The following CEACAM1 variants were observed in gnomAD, a reference collection of about 807,000 sequenced individuals.
The protein encoded by CEACAM1 is cell adhesion molecule CEACAM1.
CEACAM1 carries 31 observed loss-of-function variants against 49.1 expected under a neutral mutation model. The ratio of observed to expected loss-of-function variants is 0.63; its 90% CI spans 0.47 to 0.85. CEACAM1 has a LOEUF of 0.85. Ranked by LOEUF, CEACAM1 falls within the 40% of genes least tolerant of loss-of-function variation. The probability of loss-of-function intolerance (pLI) is 0.00; values close to 1 mark genes in which losing one functional copy is unlikely to be tolerated. For synonymous variants in CEACAM1, 244 were observed against 247.8 expected (o/e 0.98, Z 0.14); for missense variants, 570 against 645.3 (o/e 0.88, Z 1.26).
At chr19:42,518,690 C>T (rs979198452) in intron 5 of CEACAM1, 18 of 415,290 alleles carry the variant, frequency 4.3e-5, no homozygotes, top group African/African-American at 1.5e-4. Flanking sequence ...TTAGTAGACA[C>T]GGGGTTTCAC....
In CEACAM1 at chr19:42,507,922, A is replaced by C. The variant is rs2041371332; in HGVS notation, c.*1187T>G. The C allele has an allele frequency of 6.6e-6, 1 of 152,360 alleles. No homozygotes were observed. Among genetic ancestry groups the C allele is most frequent in the South Asian group, 2.1e-4 (1 of 4,824 alleles). The allele number at this position is 152,360 out of a possible 1,614,324, so 9.4% of individuals were successfully genotyped here. A position where few individuals can be genotyped will look rare whatever the true frequency, so the allele number is the denominator to read the frequency against. The stretch of plus-strand genomic sequence containing the variant: ...AGAAAATGCACAGGTGCAAACATGG[A>C]ATAGAATGGTAGTTGATGATTGGTC... On this transcript the variant is annotated 3_prime_UTR_variant, in exon 9 of 9. Transcript: ENST00000161559.
intron 2 of CEACAM1, among the ~76,000 whole-genome samples, chr19:42,525,065 G>A (rs1038151142): frequency 7.9e-5 from 12 of 152,078 alleles, no homozygotes; most frequent in African/African-American, 2.9e-4. Context: ...TACTGAGTGT[G>A]TGTTTCATAT....
rs765778184 is a variant in CEACAM1 at position 42,527,158 on chromosome 19, G to T, written c.307C>A (p.Pro103Thr). The T allele has an allele frequency of 1.2e-6, 2 of 1,614,152 alleles. No homozygotes were observed. Among genetic ancestry groups the T allele is most frequent in the Non-Finnish European group, 1.7e-6 (2 of 1,180,018 alleles). ...PANSGRETIY[P>T]NASLLIQNVT... ...TTCTGGATCAGCAGGGATGCATTGG[G>T]GTATATTGTCTCTCGACCGCTGTTT... The change falls in exon 2 of 9, where the codon CCC becomes ACC. Residue 103 changes from proline to threonine, a missense_variant. Physicochemically the swap from Pro to Thr is conservative, Grantham distance 38. Transcript: ENST00000161559.
chr19:42,513,705 C>G (rs1481274021), intron 5 of CEACAM1, among the ~76,000 whole-genome samples: 3 of 149,472 alleles, frequency 2.0e-5, no homozygotes, highest in Non-Finnish European at 1.5e-5. Context: ...TCACTCTCGC[C>G]TTACTTTCCC....
intron 1 of CEACAM1, 81 bp from the exon 2 acceptor site, chr19:42,527,481 G>T (rs137965022): frequency 1.3e-6 from 2 of 1,513,318 alleles, no homozygotes; most frequent in East Asian, 2.3e-5. Context: ...TCCTGAGCAG[G>T]TGTCTTCACC....
In CEACAM1 at chr19:42,509,162, A is replaced by G. The variant is rs1600207138; in HGVS notation, c.1528T>C (p.Ser510Pro). Reference sequence around the variant, plus strand: ...ATTTCTGTGGCTGTTAGGGATGGGGAGGCTGAAGTTGGTTGTGTGGGTTGC... The same window carrying G: ...ATTTCTGTGGCTGTTAGGGATGGGGGGGCTGAAGTTGGTTGTGTGGGTTGC... Reference protein sequence around the residue: ...AQQPTQPTSASPSLTATEIIY... With the variant: ...AQQPTQPTSAPPSLTATEIIY... Residue 510 changes from serine (S) to proline (P), a missense_variant, in exon 9 of 9, where the codon TCC (serine) becomes CCC (proline). By Grantham distance (74) the Ser-to-Pro change is moderately conservative. Coordinates refer to ENST00000161559, the MANE Select transcript of CEACAM1 (RefSeq NM_001712.5). 1.2e-6 allele frequency: 2 copies of G among 1,614,096 alleles called. No homozygotes were observed. Among genetic ancestry groups the G allele is most frequent in the African/African-American group, 1.3e-5 (1 of 75,008 alleles).
chr19:42,511,005 A>G, intron 7 of CEACAM1, 85 bp from the exon 8 acceptor site: 1 of 1,275,918 alleles, frequency 7.8e-7, no homozygotes, highest in Non-Finnish European at 1.1e-6. Context: ...TGGCAGTTGG[A>G]GGGTGGGGAG....
intron 5 of CEACAM1, chr19:42,514,885 A>G: frequency 3.8e-6 from 2 of 522,806 alleles, no homozygotes; most frequent in Non-Finnish European, 6.8e-6. Context: ...GGCTAATGAT[A>G]ATAGTAGTAG....
At chr19:42,511,550 T>C (rs770817479) in intron 7 of CEACAM1, 26 bp downstream of exon 7, 1 of 1,594,546 alleles carries the variant, frequency 6.3e-7, no homozygotes, top group South Asian at 1.1e-5. Context: ...ATACCAGTTC[T>C]CACTGGGGTA....
chr19:42,520,199 G>T (rs1268692486), intron 4 of CEACAM1, among the ~76,000 whole-genome samples: 2 of 152,204 alleles, frequency 1.3e-5, no homozygotes, highest in Non-Finnish European at 2.9e-5. Context: ...CAGAGCCCCT[G>T]TGGCTGAATC....
chr19:42,522,210 G>A lies in CEACAM1; in HGVS notation c.425-8C>T, dbSNP rs757640189. 6 of 1,614,206 alleles carry A rather than the reference G, an allele frequency of 3.7e-6. No homozygotes were observed. On this transcript the variant is annotated splice_region_variant and splice_polypyrimidine_tract_variant and intron_variant, in intron 2 of 8. Transcript: ENST00000161559. ...AGGGCTTGGGCAGCTCCGCTATGCA[G>A]AAAACAGAGAGAAGATTGCCCTGTG...
At chr19:42,512,581 C>T (rs370843888) in intron 5 of CEACAM1, 102 bp from the exon 6 acceptor site, 6 of 1,164,088 alleles carry the variant, frequency 5.2e-6, no homozygotes, top group East Asian at 2.4e-5. Flanking sequence ...ATTGTTCCTT[C>T]AAGGAATACA....
rs878997620 is a variant in CEACAM1 at position 42,527,506 on chromosome 19, T to A, written c.65-106A>T. 24 of 82,428 alleles carry A rather than the reference T, an allele frequency of 2.9e-4. No homozygotes were observed. In the South Asian group the frequency reaches 5.2e-3, roughly 18 times the overall value. The allele number at this position is 82,428 out of a possible 1,614,324, so 5.1% of individuals were successfully genotyped here. On this transcript the variant is annotated intron_variant, in intron 1 of 8. Transcript: ENST00000161559. ...GTGTCTTCACCCCTCCACCTTGGAGTGTGTGTGTGTGTGTGTGTGTGTGTG... is the reference window on the plus strand; with the variant it reads ...GTGTCTTCACCCCTCCACCTTGGAGAGTGTGTGTGTGTGTGTGTGTGTGTG...
At chr19:42,526,058 C>T (rs1051202927) in intron 2 of CEACAM1, among the ~76,000 whole-genome samples, 19 of 152,110 alleles carry the variant, frequency 1.2e-4, no homozygotes, top group African/African-American at 4.3e-4. Context: ...CAGGTTCAAG[C>T]AATTCTCCTG....
chr19:42,514,399 G>A (rs1407309346), intron 5 of CEACAM1, among the ~76,000 whole-genome samples: 2 of 151,992 alleles, frequency 1.3e-5, no homozygotes, highest in Admixed American at 1.3e-4. Flanking sequence ...CCAAAGTGTT[G>A]GGATTACAGG....
Position 42,512,381 on chromosome 19 carries a change from C to T in CEACAM1, c.1345G>A (p.Ala449Thr), listed in dbSNP as rs765203121. Residue 449 changes from alanine (A) to threonine (T), a missense_variant, in exon 6 of 9, where the codon GCA (alanine) becomes ACA (threonine). By Grantham distance (58) the Ala-to-Thr change is moderately conservative. Transcript: ENST00000161559. ...ALVALIAVALACFLHFGKTGR... is the reference protein window; with the variant it reads ...ALVALIAVALTCFLHFGKTGR... Reference sequence around the variant, plus strand: ...GTCTTCCCGAAATGCAGAAAACATGCCAGGGCTACTGCTATCAGAGCAACC... The same window carrying T: ...GTCTTCCCGAAATGCAGAAAACATGTCAGGGCTACTGCTATCAGAGCAACC... 2 of 1,614,128 alleles carry T rather than the reference C, an allele frequency of 1.2e-6. No homozygotes were observed. The highest frequency in any genetic ancestry group is 1.7e-6 in the Non-Finnish European group (2 of 1,179,978).
chr19:42,510,368 G>A (rs958210982), intron 8 of CEACAM1, among the ~76,000 whole-genome samples: 4 of 152,236 alleles, frequency 2.6e-5, no homozygotes, highest in African/African-American at 9.6e-5. Context: ...TTACAGGCAT[G>A]AGCCACTGTG....
chr19:42,509,013 C>G lies in CEACAM1; in HGVS notation c.*96G>C. 6.7e-7 allele frequency: 1 copy of G among 1,499,072 alleles called. No individual in the cohort carries two copies. 92.9% of individuals were successfully genotyped at this position (1,499,072 alleles called of 1,614,324 possible). A position where few individuals can be genotyped will look rare whatever the true frequency, so the allele number is the denominator to read the frequency against. Reference sequence around the variant, plus strand: ...AGAGTAGGAGAAAGTTGTTTCTGTCCCCACCCCTCTACCCCTACAGGGGAA... The same window carrying G: ...AGAGTAGGAGAAAGTTGTTTCTGTCGCCACCCCTCTACCCCTACAGGGGAA... On this transcript the variant is annotated 3_prime_UTR_variant, in exon 9 of 9. Transcript: ENST00000161559.
intron 2 of CEACAM1, among the ~76,000 whole-genome samples, chr19:42,526,123 T>A (rs917685450): frequency 1.1e-4 from 17 of 151,888 alleles, no homozygotes; most frequent in African/African-American, 4.1e-4. Context: ...GCCCGGCTAA[T>A]TTTTTTGTAT....
Sources: gnomAD v4.1 joint callset for allele counts (sites outside exome capture counted in the v4.1 genomes callset) on GRCh38, gnomAD v4.1.1 for gene constraint, MANE v1.5 for transcripts, NCBI Gene and HGNC (gene_info 2026-07-23, HGNC 2026-07-21) for gene names.